The following TM9SF4 variants were observed in gnomAD, a reference collection of about 807,000 sequenced individuals.
TM9SF4 encodes the protein dinucleotide oxidase disulfide thiol exchanger 3 superfamily member 4.
In TM9SF4, 26 loss-of-function variants were observed where a neutral mutation model predicts 90.4. That is an observed-to-expected ratio of 0.29 (90% CI 0.21 to 0.40). The LOEUF (loss-of-function observed/expected upper bound fraction) is 0.40. Among genes scored for constraint, TM9SF4 ranks in the 10% least tolerant of loss-of-function variants. The pLI is 1.00. For missense variants in TM9SF4, 549 were observed against 834.8 expected (o/e 0.66, Z 4.22); for synonymous variants, 293 against 315.4 (o/e 0.93, Z 0.75).
intron 1 of TM9SF4, among the ~76,000 whole-genome samples, chr20:32,127,395 C>G (rs2046438578): frequency 6.6e-6 from 1 of 152,148 alleles, no homozygotes; most frequent in East Asian, 1.9e-4. Context: ...ACTTCTGGGT[C>G]TCTGGGTCTC....
At chr20:32,137,214 C>G (rs1039962261) in intron 3 of TM9SF4, among the ~76,000 whole-genome samples, 4 of 152,214 alleles carry the variant, frequency 2.6e-5, no homozygotes, top group Admixed American at 6.5e-5. Flanking sequence ...TGCCTGCCTG[C>G]CATTGCCCTC....
At chr20:32,119,885 G>A (rs2046279523) in intron 1 of TM9SF4, among the ~76,000 whole-genome samples, 1 of 152,044 alleles carries the variant, frequency 6.6e-6, no homozygotes, top group South Asian at 2.1e-4. Context: ...GCTACCCAGT[G>A]GTCCAAGCAC....
intron 7 of TM9SF4, 34 bp from the exon 8 acceptor site, chr20:32,145,278 T>G (rs754766880): frequency 1.2e-6 from 2 of 1,612,192 alleles, no homozygotes; most frequent in South Asian, 2.2e-5. Flanking sequence ...TCCAGCAGGA[T>G]GCCTGACTCT....
rs372002670 is a variant in TM9SF4 at position 32,124,567 on chromosome 20, G to C, written c.16-8446G>C. Reference sequence around the variant, plus strand: ...CCCTCTCTGACCCCCTGGATTATATGACCTCTGAAGTTCTTTTAAAAACTT... The same window carrying C: ...CCCTCTCTGACCCCCTGGATTATATCACCTCTGAAGTTCTTTTAAAAACTT... On this transcript the variant is annotated intron_variant, in intron 1 of 17. Transcript: ENST00000398022. Among the ~76,000 whole-genome samples, 17 of 150,290 alleles carry C rather than the reference G, an allele frequency of 1.1e-4. No homozygotes were observed. In the East Asian group the frequency reaches 3.2e-3, roughly 28 times the overall value.
intron 1 of TM9SF4, among the ~76,000 whole-genome samples, chr20:32,126,666 G>A (rs78682837): frequency 0.012 from 1,871 of 152,196 alleles, 43 homozygotes; most frequent in African/African-American, 0.043. Context: ...TTGTGGGCAT[G>A]TATTCTTGAG....
Position 32,162,875 on chromosome 20 carries a change from G to GA in TM9SF4, c.1779+1517dup, listed in dbSNP as rs1167266702. 1.2e-4 allele frequency among the ~76,000 whole-genome samples: 18 copies of GA among 152,140 alleles called. No individual in the cohort carries two copies. The East Asian group carries it at 2.9e-3, about 25-fold the overall frequency. ...AAAGTAGCTTAAGCAAAAAAAAAGG[G>GA]AAAAAAAGTAGCTTAAGCAAAAAGA... On this transcript the variant is annotated intron_variant, in intron 17 of 17. Transcript: ENST00000398022.
rs554946229 is a variant in TM9SF4, at chr20:32,136,311, A to G, written c.229+138A>G. 2.3e-4 allele frequency: 178 copies of G among 780,104 alleles called. 1 individual carries two copies. In the East Asian group the frequency reaches 4.8e-3, roughly 21 times the overall value. The allele number at this position is 780,104 out of a possible 1,614,324, so 48.3% of individuals were successfully genotyped here. A position where few individuals can be genotyped will look rare whatever the true frequency, so the allele number is the denominator to read the frequency against. On this transcript the variant is annotated intron_variant, in intron 3 of 17. Coordinates refer to ENST00000398022, the MANE Select transcript of TM9SF4 (RefSeq NM_014742.4). ...TTTGCATACCTGTTAGCTTATTTAA[A>G]CCTCATAACAGCCCCGGGGAGACAG...
intron 1 of TM9SF4, among the ~76,000 whole-genome samples, chr20:32,118,198 C>T (rs79094283): frequency 1.3e-5 from 2 of 152,022 alleles, no homozygotes; most frequent in African/African-American, 2.4e-5. Context: ...ATATTTTTTC[C>T]GAGATCAGTA....
rs1420377648 is a variant in TM9SF4, at chr20:32,145,136, C to T, written c.698C>T (p.Thr233Ile). ...AGTTCGTGCACTCTGCCTGAGGGTA[C>T]CAACTCCTCGCCCCAAGAAATTGAC... is the stretch of plus-strand genomic sequence containing the variant. Reference protein sequence around the residue: ...EKSSCTLPEGTNSSPQEIDPT... With the variant: ...EKSSCTLPEGINSSPQEIDPT... The change falls in exon 7 of 18, where the codon ACC becomes ATC. Residue 233 changes from threonine (T) to isoleucine (I), a missense_variant. Transcript: ENST00000398022. The T allele has an allele frequency of 1.2e-6, 2 of 1,614,002 alleles. No homozygotes were observed. Among genetic ancestry groups the T allele is most frequent in the Non-Finnish European group, 1.7e-6 (2 of 1,180,036 alleles).
At chr20:32,136,970 T>C in intron 3 of TM9SF4, 1 of 470,834 alleles carries the variant, frequency 2.1e-6, no homozygotes, top group Non-Finnish European at 4.4e-6. Flanking sequence ...TTCTGGAACC[T>C]CTAGCTGACA....
intron 17 of TM9SF4, 144 bp downstream of exon 17, chr20:32,161,509 C>G (rs899099380): frequency 1.5e-6 from 1 of 657,162 alleles, no homozygotes; most frequent in East Asian, 2.8e-5. Flanking sequence ...ACTGTTCCTG[C>G]TCTAGAAGAT....
rs1051755146 is a variant in TM9SF4 at position 32,166,548 on chromosome 20, A to C, written c.*1104A>C. Reference sequence around the variant, plus strand: ...CCCCATCCCCTCCACCCCACACCTGAGTTCTTGCCTCCTCCTTTTGGGGAC... The same window carrying C: ...CCCCATCCCCTCCACCCCACACCTGCGTTCTTGCCTCCTCCTTTTGGGGAC... On this transcript the variant is annotated 3_prime_UTR_variant, in exon 18 of 18. Coordinates refer to ENST00000398022, the MANE Select transcript of TM9SF4 (RefSeq NM_014742.4). The C allele has an allele frequency of 6.6e-6, 1 of 152,312 alleles. No individual in the cohort carries two copies. The highest frequency in any genetic ancestry group is 6.5e-5 in the Admixed American group (1 of 15,286). 9.4% of individuals were successfully genotyped at this position (152,312 alleles called of 1,614,324 possible). A position where few individuals can be genotyped will look rare whatever the true frequency, so the allele number is the denominator to read the frequency against.
intron 3 of TM9SF4, among the ~76,000 whole-genome samples, chr20:32,140,779 G>T (rs185031583): frequency 1.7e-3 from 260 of 152,258 alleles, no homozygotes; most frequent in Non-Finnish European, 3.0e-3. Context: ...AGGGCAGTCA[G>T]GGGAGGGAGT....
rs1178053193 is a variant in TM9SF4 at position 32,141,527 on chromosome 20, A to G, written c.260A>G (p.Asn87Ser). The change falls in exon 4 of 18, where the codon AAC (asparagine) becomes AGC (serine). Residue 87 changes from asparagine to serine, a missense_variant. Asn to Ser is a conservative substitution (Grantham distance 46). Around this residue, in one of 2 missense-constraint regions of TM9SF4, gnomAD observed 495 missense variants for 711.7 expected, o/e 0.70. Coordinates refer to ENST00000398022, the MANE Select transcript of TM9SF4 (RefSeq NM_014742.4). Reference protein sequence around the residue: ...GEVLRGDRIVNTPFQVLMNSE... With the variant: ...GEVLRGDRIVSTPFQVLMNSE... ...GTGCTGAGAGGGGACCGGATTGTCA[A>G]CACCCCTTTCCAGGTTCTCATGAAC... The G allele has an allele frequency of 6.2e-7, 1 of 1,614,092 alleles. No individual in the cohort carries two copies. Among genetic ancestry groups the G allele is most frequent in the Non-Finnish European group, 8.5e-7 (1 of 1,180,028 alleles).
At chr20:32,163,200 C>T (rs564424655) in intron 17 of TM9SF4, among the ~76,000 whole-genome samples, 8 of 137,710 alleles carry the variant, frequency 5.8e-5, no homozygotes, top group African/African-American at 1.9e-4. Context: ...GAGCCAAGAT[C>T]GTGCCACTGC....
At chr20:32,122,614 G>C (rs530088054) in intron 1 of TM9SF4, among the ~76,000 whole-genome samples, 37 of 148,554 alleles carry the variant, frequency 2.5e-4, no homozygotes, top group Non-Finnish European at 5.1e-4. Flanking sequence ...ATGTGATGGC[G>C]TCCGGGAAGA....
rs747748321 is a variant in TM9SF4 at position 32,157,824 on chromosome 20, T to G, written c.1360T>G (p.Cys454Gly). ...VPFPTMVALLCMWFGISLPLV... is the reference protein window; with the variant it reads ...VPFPTMVALLGMWFGISLPLV... ...CTTTCCCACCATGGTGGCTCTGCTG[T>G]GCATGTGGTTCGGGATCTCCCTGCC... Residue 454 changes from cysteine (C) to glycine (G), a missense_variant, in exon 14 of 18, where the codon TGC becomes GGC. By Grantham distance (159) the Cys-to-Gly change is radical (BLOSUM62 -3). Coordinates refer to ENST00000398022, the MANE Select transcript of TM9SF4 (RefSeq NM_014742.4). The G allele has an allele frequency of 1.2e-6, 2 of 1,614,176 alleles. No homozygotes were observed. The highest frequency in any genetic ancestry group is 1.7e-6 in the Non-Finnish European group (2 of 1,180,020).
intron 17 of TM9SF4, among the ~76,000 whole-genome samples, chr20:32,163,931 G>A (rs1455354932): frequency 6.6e-6 from 1 of 152,010 alleles, no homozygotes; most frequent in Admixed American, 6.6e-5. Flanking sequence ...TAGGATTGAT[G>A]GCCCCAACAG....
Position 32,146,832 on chromosome 20 carries a change from A to G in TM9SF4, c.931A>G (p.Asn311Asp). ...IIRTLRKDIA[N>D]YNKEDDIEDT... ...TCGGACCCTCCGGAAGGACATTGCCAACTACAACAAGGAGGATGACATTGT... is the reference window on the plus strand; with the variant it reads ...TCGGACCCTCCGGAAGGACATTGCCGACTACAACAAGGAGGATGACATTGT... The change falls in exon 9 of 18, where the codon AAC becomes GAC. Residue 311 changes from asparagine (N) to aspartate (D), a missense_variant. Asn to Asp is a conservative substitution (Grantham distance 23). Coordinates refer to ENST00000398022, the MANE Select transcript of TM9SF4 (RefSeq NM_014742.4). 1.2e-6 allele frequency: 2 copies of G among 1,614,044 alleles called. No individual in the cohort carries two copies. The highest frequency in any genetic ancestry group is 2.2e-5 in the South Asian group (2 of 91,010).
Sources: gnomAD v4.1 joint callset for allele counts (sites outside exome capture counted in the v4.1 genomes callset) on GRCh38, gnomAD v4.1.1 for gene constraint, gnomAD v4.1.1 regional missense constraint, MANE v1.5 for transcripts, NCBI Gene and HGNC (gene_info 2026-07-23, HGNC 2026-07-21) for gene names.